The following GRM1 variants were observed in gnomAD, a reference collection of about 807,000 sequenced individuals.
The protein encoded by GRM1 is glutamate metabotropic receptor 1, also known as metabotropic glutamate receptor 1.
GRM1 carries 33 observed loss-of-function variants against 90.9 expected under a neutral mutation model. The ratio of observed to expected loss-of-function variants is 0.36; its 90% confidence interval spans 0.28 to 0.49. GRM1 has a LOEUF of 0.49. Among genes scored for constraint, GRM1 ranks in the 20% least tolerant of loss-of-function variants. The probability of loss-of-function intolerance (pLI) is 0.99; values close to 1 mark genes in which losing one functional copy is unlikely to be tolerated. For synonymous variants in GRM1, 700 were observed against 613.2 expected, an observed-to-expected ratio of 1.14 and a Z score of -2.09; for missense variants, 1,190 against 1,534.3, an observed-to-expected ratio of 0.78 and a Z score of 3.75.
chr6:146,104,616 G>T (rs1192876082), intron 1 of GRM1, among the ~76,000 whole-genome samples: 1 of 152,154 alleles, frequency 6.6e-6, no homozygotes, highest in Non-Finnish European at 1.5e-5. Context: ...CTGGAATATT[G>T]CTGGAGAGTA....
chr6:146,284,007 A>G (rs1215819148), intron 2 of GRM1, among the ~76,000 whole-genome samples: 1 of 152,238 alleles, frequency 6.6e-6, no homozygotes, highest in Non-Finnish European at 1.5e-5. Flanking sequence ...TTGTAATTGC[A>G]GATGTTCTGT....
chr6:146,162,540 C>T (rs1285733395), intron 2 of GRM1, among the ~76,000 whole-genome samples: 2 of 152,080 alleles, frequency 1.3e-5, no homozygotes, highest in African/African-American at 2.4e-5. Flanking sequence ...GACCTCTTGG[C>T]CATCTAGTCT....
intron 2 of GRM1, among the ~76,000 whole-genome samples, chr6:146,235,288 T>A (rs1780598737): frequency 6.6e-6 from 1 of 152,202 alleles, no homozygotes; most frequent in Non-Finnish European, 1.5e-5. Context: ...TAAAAATGTT[T>A]TTGTTATTCC....
chr6:146,224,263 G>A (rs1780165343), intron 2 of GRM1, among the ~76,000 whole-genome samples: 1 of 152,102 alleles, frequency 6.6e-6, no homozygotes. Flanking sequence ...CCAGAGTGAG[G>A]TGGGAAGTGT....
intron 3 of GRM1, among the ~76,000 whole-genome samples, chr6:146,349,061 ATT>A: frequency 6.8e-6 from 1 of 147,330 alleles, no homozygotes; most frequent in Admixed American, 6.8e-5. Context: ...TATTATTATT[ATT>A]ATTATTATTA....
intron 6 of GRM1, among the ~76,000 whole-genome samples, chr6:146,393,808 G>T (rs1776822287): frequency 6.6e-6 from 1 of 152,040 alleles, no homozygotes; most frequent in South Asian, 2.1e-4. Flanking sequence ...GTATAGCCAA[G>T]ACAATCCCAA....
intron 2 of GRM1, among the ~76,000 whole-genome samples, chr6:146,214,856 G>A (rs1478259109): frequency 3.9e-5 from 6 of 152,170 alleles, no homozygotes; most frequent in Non-Finnish European, 8.8e-5. Context: ...CTGAGCTTGA[G>A]TAAAGGCATG....
chr6:146,316,540 C>T (rs1457175533), intron 3 of GRM1, among the ~76,000 whole-genome samples: 1 of 152,182 alleles, frequency 6.6e-6, no homozygotes, highest in Non-Finnish European at 1.5e-5. Flanking sequence ...TTCTTTAGTG[C>T]CTTCTACTGC....
intron 1 of GRM1, among the ~76,000 whole-genome samples, chr6:146,075,906 C>G (rs1468342682): frequency 2.0e-5 from 3 of 152,186 alleles, no homozygotes; most frequent in African/African-American, 7.2e-5. Context: ...TTGGTCTACT[C>G]TAGTGACCAT....
rs561419766 is a variant in GRM1 at position 146,413,697 on chromosome 6, G to A, written c.2660+13998G>A. On this transcript the variant is annotated intron_variant, in intron 7 of 7. Transcript: ENST00000282753. ...AACCTAGGACATTGCCCTCACTCTA[G>A]AAAGTTTCCTAGTGTCCCTTTTTAA... Among the ~76,000 whole-genome samples the A allele has an allele frequency of 5.9e-5, 9 of 152,224 alleles. No individual in the cohort carries two copies. In the South Asian group the frequency reaches 1.7e-3, roughly 28 times the overall value.
chr6:146,043,808 T>TAA (rs1554260540), intron 1 of GRM1, among the ~76,000 whole-genome samples: 1 of 142,182 alleles, frequency 7.0e-6, no homozygotes, highest in Non-Finnish European at 1.5e-5. Context: ...TATATATATA[T>TAA]ATAAAGGGAA....
At chr6:146,106,925 T>C (rs1314641564) in intron 1 of GRM1, among the ~76,000 whole-genome samples, 1 of 152,220 alleles carries the variant, frequency 6.6e-6, no homozygotes, top group East Asian at 1.9e-4. Context: ...TGATAAGTGC[T>C]TTTTACTTGT....
intron 1 of GRM1, among the ~76,000 whole-genome samples, chr6:146,036,875 AT>A (rs1790909732): frequency 6.6e-6 from 1 of 151,872 alleles, no homozygotes; most frequent in African/African-American, 2.4e-5. Flanking sequence ...TGCATCACAT[AT>A]TTTTCTTGGT....
intron 6 of GRM1, among the ~76,000 whole-genome samples, chr6:146,396,223 A>G (rs1776929446): frequency 6.6e-6 from 1 of 152,124 alleles, no homozygotes; most frequent in Admixed American, 6.6e-5. Flanking sequence ...TTCCAGAAAA[A>G]GGTTTGTATT....
intron 5 of GRM1, among the ~76,000 whole-genome samples, chr6:146,379,286 C>T (rs1008772088): frequency 6.0e-5 from 9 of 150,794 alleles, no homozygotes; most frequent in African/African-American, 2.2e-4. Flanking sequence ...CTTTTGTCTC[C>T]TCTGATAGGT....
At chr6:146,358,445 A>G (rs559413641) in intron 5 of GRM1, among the ~76,000 whole-genome samples, 1 of 152,294 alleles carries the variant, frequency 6.6e-6, no homozygotes, top group East Asian at 1.9e-4. Context: ...ATGGCAGGGT[A>G]TGGATTAGAT....
chr6:146,288,860 T>C (rs1316992925), intron 2 of GRM1, among the ~76,000 whole-genome samples: 1 of 152,104 alleles, frequency 6.6e-6, no homozygotes, highest in East Asian at 1.9e-4. Context: ...TGTAAGATTA[T>C]AATAGAGGTG....
At chr6:146,216,494 G>T (rs1164399752) in intron 2 of GRM1, among the ~76,000 whole-genome samples, 1 of 152,136 alleles carries the variant, frequency 6.6e-6, no homozygotes, top group Non-Finnish European at 1.5e-5. Flanking sequence ...CTTTTGAATG[G>T]TTTTTATTGC....
At chr6:146,054,380 T>A (rs1775407061) in intron 1 of GRM1, among the ~76,000 whole-genome samples, 1 of 152,104 alleles carries the variant, frequency 6.6e-6, no homozygotes, top group Admixed American at 6.6e-5. Context: ...TGAGCAGTGA[T>A]ATATTTCATT....
Sources: gnomAD v4.1 joint callset for allele counts (sites outside exome capture counted in the v4.1 genomes callset) on GRCh38, gnomAD v4.1.1 for gene constraint, MANE v1.5 for transcripts, NCBI Gene and HGNC (gene_info 2026-07-23, HGNC 2026-07-21) for gene names.